The following FAM193A variants were observed in gnomAD, a reference collection of about 807,000 sequenced individuals.
FAM193A encodes the protein protein FAM193A.
In FAM193A, 22 loss-of-function variants were observed where a neutral mutation model predicts 126.5. The ratio of observed to expected loss-of-function variants is 0.17; its 90% CI spans 0.12 to 0.25. The LOEUF is 0.25. FAM193A is among the 10% of genes least tolerant of loss of function. FAM193A has a pLI of 1.00. For synonymous variants in FAM193A, 761 were observed against 646.8 expected (o/e 1.18, Z -2.68); for missense variants, 1,675 against 1,672.8 (o/e 1.00, Z -0.02).
At chr4:2,551,712 C>T (rs905026294) in intron 1 of FAM193A, among the ~76,000 whole-genome samples, 1 of 150,976 alleles carries the variant, frequency 6.6e-6, no homozygotes, top group African/African-American at 2.4e-5. Context: ...TTTTTTAAAC[C>T]TTTTTGAAGA....
At position 2,663,161 on chromosome 4, in the gene FAM193A, A is replaced by C. The variant is rs1712679962; in HGVS notation, c.1952A>C (p.Glu651Ala). 1 of 1,614,206 alleles carries C rather than the reference A, an allele frequency of 6.2e-7. No individual in the cohort carries two copies. The highest frequency in any genetic ancestry group is 8.5e-7 in the Non-Finnish European group (1 of 1,180,032). Residue 651 changes from glutamate (E) to alanine (A), a missense_variant, in exon 12 of 21, where the codon GAA becomes GCA. This residue lies in a region of FAM193A where 1,186 missense variants were observed against 1,109.2 expected (regional missense o/e 1.07). Coordinates refer to ENST00000637812, the MANE Select transcript of FAM193A (RefSeq NM_001366318.2). ...SSSSSEADDE[E>A]ADGESSGEPP... ...AGTTCCTCAGAAGCTGATGATGAAG[A>C]AGCGGACGGCGAGAGTAGTGGGGAG...
At chr4:2,651,510 G>T (rs1013605192) in intron 7 of FAM193A, among the ~76,000 whole-genome samples, 5 of 152,120 alleles carry the variant, frequency 3.3e-5, no homozygotes, top group Non-Finnish European at 5.9e-5. Flanking sequence ...AGAGCAAGAG[G>T]GGAAATGCCA....
intron 4 of FAM193A, among the ~76,000 whole-genome samples, chr4:2,627,594 T>TTTTTTTTC (rs1560494822): frequency 2.0e-5 from 3 of 148,470 alleles, no homozygotes; most frequent in African/African-American, 7.5e-5. Flanking sequence ...TTTTTTTTTT[T>TTTTTTTTC]TCAGATGGAG....
rs190860143 is a variant in FAM193A at position 2,650,938 on chromosome 4, C to G, written c.1311+4106C>G. ...GTCTTGTTAGTGTTTGTAGCAGTAA[C>G]AGACGTGCAGATGGAGAAGCTGAGT... On this transcript the variant is annotated intron_variant, in intron 7 of 20. Coordinates refer to ENST00000637812, the MANE Select transcript of FAM193A (RefSeq NM_001366318.2). 2.6e-5 allele frequency among the ~76,000 whole-genome samples: 4 copies of G among 152,296 alleles called. 1 individual carries two copies. The East Asian group carries it at 7.7e-4, about 29-fold the overall frequency.
chr4:2,664,883 G>A (rs190095275), intron 12 of FAM193A, among the ~76,000 whole-genome samples: 8 of 152,128 alleles, frequency 5.3e-5, no homozygotes, highest in African/African-American at 1.9e-4. Flanking sequence ...TTTCAAAATC[G>A]TTTATGCTGC....
intron 1 of FAM193A, among the ~76,000 whole-genome samples, chr4:2,546,968 G>C (rs528814299): frequency 6.6e-6 from 1 of 152,222 alleles, no homozygotes; most frequent in East Asian, 1.9e-4. Flanking sequence ...TTTTTTAGTA[G>C]AGATGGGGTT....
At chr4:2,694,807 A>G (rs752691191) in intron 16 of FAM193A, 139 bp from the exon 17 acceptor site, 12 of 654,982 alleles carry the variant, frequency 1.8e-5, no homozygotes, top group Non-Finnish European at 3.0e-5. Context: ...ATGACTCCCT[A>G]GTAACCCTGG....
chr4:2,611,570 G>A (rs577373693), intron 2 of FAM193A, among the ~76,000 whole-genome samples: 6 of 152,234 alleles, frequency 3.9e-5, no homozygotes, highest in South Asian at 4.1e-4. Context: ...CACCACGCCC[G>A]GCTTAATCTG....
intron 20 of FAM193A, among the ~76,000 whole-genome samples, chr4:2,730,692 G>GA (rs370359383): frequency 6.9e-4 from 92 of 132,832 alleles, no homozygotes; most frequent in East Asian, 4.2e-3. Context: ...TCCGTGTCAA[G>GA]AAAAAAAAAA....
intron 19 of FAM193A, among the ~76,000 whole-genome samples, chr4:2,706,387 C>T (rs920639296): frequency 2.7e-5 from 4 of 150,290 alleles, no homozygotes; most frequent in Admixed American, 6.6e-5. Context: ...ACCCCTGCCT[C>T]CTGGGTTCAA....
intron 20 of FAM193A, among the ~76,000 whole-genome samples, chr4:2,731,196 CAAAAAAAAAAA>C (rs546217602): frequency 4.4e-4 from 38 of 86,876 alleles, no homozygotes; most frequent in East Asian, 1.4e-3. Context: ...AACTCCTTCT[CAAAAAAAAAAA>C]AAAAAAAAAA....
chr4:2,716,184 C>A, intron 20 of FAM193A, 80 bp downstream of exon 20: 1 of 945,656 alleles, frequency 1.1e-6, no homozygotes, highest in Non-Finnish European at 1.7e-6. Flanking sequence ...TTCCATGGCA[C>A]TTCTAGTTGT....
intron 4 of FAM193A, 22 bp from the exon 5 acceptor site, chr4:2,630,913 G>A (rs747761208): frequency 1.7e-5 from 24 of 1,430,658 alleles, no homozygotes; most frequent in Non-Finnish European, 2.2e-5. Context: ...GGCAGGCCCT[G>A]GTGACCCTCT....
intron 1 of FAM193A, among the ~76,000 whole-genome samples, chr4:2,560,256 C>T (rs1738529830): frequency 6.6e-6 from 1 of 152,108 alleles, no homozygotes; most frequent in African/African-American, 2.4e-5. Context: ...GCAGGCTTTT[C>T]TTTCCAGTGA....
intron 19 of FAM193A, among the ~76,000 whole-genome samples, chr4:2,712,531 A>AC (rs1481594873): frequency 6.6e-6 from 1 of 152,152 alleles, no homozygotes; most frequent in Non-Finnish European, 1.5e-5. Flanking sequence ...CATTTGCCTG[A>AC]CGAGACAGCC....
intron 2 of FAM193A, among the ~76,000 whole-genome samples, chr4:2,596,608 G>A (rs141588446): frequency 7.6e-4 from 116 of 152,310 alleles, no homozygotes; most frequent in African/African-American, 2.7e-3. Context: ...TATTTCTTTG[G>A]TGGTACAGTT....
chr4:2,595,649 C>T (rs912953024), intron 1 of FAM193A, among the ~76,000 whole-genome samples: 2 of 152,154 alleles, frequency 1.3e-5, no homozygotes, highest in Non-Finnish European at 2.9e-5. Flanking sequence ...TTTGGACAGC[C>T]GACCTCAAAG....
At chr4:2,614,069 G>A (rs1476702797) in intron 2 of FAM193A, among the ~76,000 whole-genome samples, 11 of 152,110 alleles carry the variant, frequency 7.2e-5, no homozygotes, top group Non-Finnish European at 1.6e-4. Context: ...CACCGCACCC[G>A]GCCTTCCTTA....
chr4:2,584,445 C>T (rs1274672367), intron 1 of FAM193A, among the ~76,000 whole-genome samples: 2 of 150,248 alleles, frequency 1.3e-5, no homozygotes, highest in Admixed American at 6.6e-5. Flanking sequence ...AAAAAAACAC[C>T]CATCTCTAAA....
Sources: gnomAD v4.1 joint callset for allele counts (sites outside exome capture counted in the v4.1 genomes callset) on GRCh38, gnomAD v4.1.1 for gene constraint, gnomAD v4.1.1 regional missense constraint, MANE v1.5 for transcripts, NCBI Gene and HGNC (gene_info 2026-07-23, HGNC 2026-07-21) for gene names.